The following TLR4 variants were observed in gnomAD, a reference collection of about 807,000 sequenced individuals.
The protein encoded by TLR4 is toll like receptor 4.
In TLR4, 17 loss-of-function variants were observed where a neutral mutation model predicts 27.4. That is an observed-to-expected ratio of 0.62 (90% CI 0.42 to 0.93). The LOEUF (loss-of-function observed/expected upper bound fraction) is 0.93, where lower values mean the gene tolerates loss of function less well. Ranked by LOEUF, TLR4 falls within the 40% of genes least tolerant of loss-of-function variation. The probability of loss-of-function intolerance (pLI) is 0.00; values close to 1 mark genes in which losing one functional copy is unlikely to be tolerated. For missense variants in TLR4, 926 were observed against 962.3 expected (o/e 0.96, Z 0.50); for synonymous variants, 363 against 365.7 (o/e 0.99, Z 0.08).
At position 117,723,721 on chromosome 9, in the gene TLR4, A is replaced by C. The variant is rs1037119458; in HGVS notation, c.*9073A>C. 6.6e-6 allele frequency: 1 copy of C among 152,210 alleles called. No homozygotes were observed. The highest frequency in any genetic ancestry group is 2.4e-5 in the African/African-American group (1 of 41,454). 9.4% of individuals were successfully genotyped at this position (152,210 alleles called of 1,614,324 possible). A position where few individuals can be genotyped will look rare whatever the true frequency, so the allele number is the denominator to read the frequency against. On this transcript the variant is annotated 3_prime_UTR_variant, in exon 3 of 3. Transcript: ENST00000355622. ...TTAAGCTATATGTCATTCTTACAGG[A>C]GTCTCCTCTATTTCAGCAATGTGTA...
intron 1 of TLR4, among the ~76,000 whole-genome samples, chr9:117,707,682 G>C (rs559724721): frequency 6.6e-6 from 1 of 152,236 alleles, no homozygotes; most frequent in Admixed American, 6.5e-5. Flanking sequence ...TAAAGCACTT[G>C]ACCTTATTTA....
intron 1 of TLR4, among the ~76,000 whole-genome samples, chr9:117,706,391 TTCTC>T (rs1829136302): frequency 6.6e-6 from 1 of 152,204 alleles, no homozygotes; most frequent in Non-Finnish European, 1.5e-5. Flanking sequence ...TTTGTTTATT[TTCTC>T]TCTCTCCCTT....
chr9:117,707,165 G>A (rs1170532938), intron 1 of TLR4, among the ~76,000 whole-genome samples: 1 of 152,186 alleles, frequency 6.6e-6, no homozygotes, highest in Non-Finnish European at 1.5e-5. Flanking sequence ...GGGAATAAAA[G>A]AGGGCAAAGA....
In TLR4 at chr9:117,724,352, C is replaced by T. The variant is rs1229276285; in HGVS notation, c.*9704C>T. ...GCCATTCTAAGCTCTCTAAATGTCA[C>T]CACAATCTTCCTTCCTTTGCATTTT... On this transcript the variant is annotated 3_prime_UTR_variant, in exon 3 of 3. Coordinates refer to ENST00000355622, the MANE Select transcript of TLR4 (RefSeq NM_138554.5). 6.6e-6 allele frequency: 1 copy of T among 152,218 alleles called. No homozygotes were observed. Among genetic ancestry groups the T allele is most frequent in the Non-Finnish European group, 1.5e-5 (1 of 68,064 alleles). 9.4% of individuals were successfully genotyped at this position (152,218 alleles called of 1,614,324 possible). A position where few individuals can be genotyped will look rare whatever the true frequency, so the allele number is the denominator to read the frequency against.
At chr9:117,708,416 G>A in intron 1 of TLR4, 147 bp from the exon 2 acceptor site, 1 of 1,531,646 alleles carries the variant, frequency 6.5e-7, no homozygotes, top group Non-Finnish European at 8.8e-7. Context: ...ATGGATATAT[G>A]GATGGAAGGA....
rs1303455733 is a variant in TLR4, at chr9:117,712,773, G to C, written c.645G>C (p.Met215Ile). Reference protein sequence around the residue: ...NLSLDLSLNPMNFIQPGAFKE... With the variant: ...NLSLDLSLNPINFIQPGAFKE... ...CTTTAGACCTGTCCCTGAACCCTAT[G>C]AACTTTATCCAACCAGGTGCATTTA... is the stretch of plus-strand genomic sequence containing the variant. Residue 215 changes from methionine (M) to isoleucine (I), a missense_variant, in exon 3 of 3, where the codon ATG (methionine) becomes ATC (isoleucine). Transcript: ENST00000355622. The C allele has an allele frequency of 6.2e-7, 1 of 1,613,994 alleles. No homozygotes were observed. The highest frequency in any genetic ancestry group is 1.1e-5 in the South Asian group (1 of 91,080).
rs960955565 is a variant in TLR4 at position 117,719,781 on chromosome 9, A to C, written c.*5133A>C. On this transcript the variant is annotated 3_prime_UTR_variant, in exon 3 of 3. Transcript: ENST00000355622. ...CCAGATGGTTGGAATAAGATCACAC[A>C]CTCTGGCTGCCCTTATGGAGATCAC... is the stretch of plus-strand genomic sequence containing the variant. 5 of 152,182 alleles carry C rather than the reference A, an allele frequency of 3.3e-5. No homozygotes were observed. The highest frequency in any genetic ancestry group is 1.2e-4 in the African/African-American group (5 of 41,450). The allele number at this position is 152,182 out of a possible 1,614,324, so 9.4% of individuals were successfully genotyped here.
chr9:117,709,873 C>T (rs886352711), intron 2 of TLR4, among the ~76,000 whole-genome samples: 2 of 151,994 alleles, frequency 1.3e-5, no homozygotes, highest in African/African-American at 4.8e-5. Flanking sequence ...AGTTTACCCC[C>T]AACCTTTATA....
chr9:117,718,547 A>G lies in TLR4; in HGVS notation c.*3899A>G, dbSNP rs184977913. 9.2e-5 allele frequency: 14 copies of G among 152,116 alleles called. No individual in the cohort carries two copies. The highest frequency in any genetic ancestry group is 3.4e-4 in the African/African-American group (14 of 41,486). 9.4% of individuals were successfully genotyped at this position (152,116 alleles called of 1,614,324 possible). On this transcript the variant is annotated 3_prime_UTR_variant, in exon 3 of 3. Coordinates refer to ENST00000355622, the MANE Select transcript of TLR4 (RefSeq NM_138554.5). ...AATGAGCGTTAATACAGTGCTTTCC[A>G]TTTTTCTGGTGTTTTGAGTAGCGTG...
chr9:117,723,600 A>T lies in TLR4; in HGVS notation c.*8952A>T, dbSNP rs1829446260. The T allele has an allele frequency of 6.6e-6, 1 of 152,134 alleles. No homozygotes were observed. Among genetic ancestry groups the T allele is most frequent in the South Asian group, 2.1e-4 (1 of 4,822 alleles). The allele number at this position is 152,134 out of a possible 1,614,324, so 9.4% of individuals were successfully genotyped here. A position where few individuals can be genotyped will look rare whatever the true frequency, so the allele number is the denominator to read the frequency against. On this transcript the variant is annotated 3_prime_UTR_variant, in exon 3 of 3. Transcript: ENST00000355622. ...ATGCAAGGAGTTATTATGATAACAG[A>T]TTGAAAACTCCTCCAAGGAGGAGTT...
Position 117,712,480 on chromosome 9 carries a change from G to T in TLR4, c.352G>T (p.Ala118Ser), listed in dbSNP as rs199508096. ...ILTGNPIQSL[A>S]LGAFSGLSSL... ...GACAGGAAACCCCATCCAGAGTTTA[G>T]CCCTGGGAGCCTTTTCTGGACTATC... is the stretch of plus-strand genomic sequence containing the variant. The change falls in exon 3 of 3, where the codon GCC becomes TCC. Residue 118 changes from alanine (A) to serine (S), a missense_variant. Physicochemically the swap from Ala to Ser is moderately conservative, Grantham distance 99. Coordinates refer to ENST00000355622, the MANE Select transcript of TLR4 (RefSeq NM_138554.5). 1 of 1,613,748 alleles carries T rather than the reference G, an allele frequency of 6.2e-7. No individual in the cohort carries two copies. Among genetic ancestry groups the T allele is most frequent in the Non-Finnish European group, 8.5e-7 (1 of 1,179,908 alleles).
chr9:117,706,041 A>AAT lies in TLR4; in HGVS notation c.93+1483_93+1484dup, dbSNP rs146948012. Among the ~76,000 whole-genome samples the AAT allele has an allele frequency of 6.2e-3, 950 of 152,186 alleles. 14 individuals are homozygous for AAT. The highest frequency in any genetic ancestry group is 0.022 in the African/African-American group (910 of 41,510). On this transcript the variant is annotated intron_variant, in intron 1 of 2. Coordinates refer to ENST00000355622, the MANE Select transcript of TLR4 (RefSeq NM_138554.5). ...TATTTAAAATAATGTTTAAAATTTT[A>AAT]ATATATATTTACCTATTATTGATAT...
At position 117,714,755 on chromosome 9, in the gene TLR4, G is replaced by T. The variant is rs200716692; in HGVS notation, c.*107G>T. On this transcript the variant is annotated 3_prime_UTR_variant, in exon 3 of 3. Transcript: ENST00000355622. The stretch of plus-strand genomic sequence containing the variant: ...CCACATGTCAGGCCTTATGCTAAGG[G>T]TGAGTAATTCCATGGTGCACTAGAT... 4 of 968,616 alleles carry T rather than the reference G, an allele frequency of 4.1e-6. No homozygotes were observed. Among genetic ancestry groups the T allele is most frequent in the Non-Finnish European group, 6.4e-6 (4 of 624,460 alleles). The allele number at this position is 968,616 out of a possible 1,614,324, so 60.0% of individuals were successfully genotyped here. A position where few individuals can be genotyped will look rare whatever the true frequency, so the allele number is the denominator to read the frequency against.
chr9:117,707,454 C>A (rs1588092168), intron 1 of TLR4, among the ~76,000 whole-genome samples: 1 of 152,148 alleles, frequency 6.6e-6, no homozygotes, highest in African/African-American at 2.4e-5. Context: ...TATACTGTAG[C>A]GGGCTTTTAA....
rs1272527097 is a variant in TLR4 at position 117,715,251 on chromosome 9, C to G, written c.*603C>G. On this transcript the variant is annotated 3_prime_UTR_variant, in exon 3 of 3. Coordinates refer to ENST00000355622, the MANE Select transcript of TLR4 (RefSeq NM_138554.5). ...TTCTCGAGCATGTTCTATTTTTTAA[C>G]TAATCACCCCTGATATATTTTTATT... 2 of 153,504 alleles carry G rather than the reference C, an allele frequency of 1.3e-5. No homozygotes were observed. Among genetic ancestry groups the G allele is most frequent in the African/African-American group, 4.8e-5 (2 of 41,446 alleles). The allele number at this position is 153,504 out of a possible 1,614,324, so 9.5% of individuals were successfully genotyped here.
Position 117,717,591 on chromosome 9 carries a change from ATTGT to A in TLR4, c.*2946_*2949del, listed in dbSNP as rs1263055158. 2 of 152,128 alleles carry A rather than the reference ATTGT, an allele frequency of 1.3e-5. No homozygotes were observed. Among genetic ancestry groups the A allele is most frequent in the East Asian group, 3.9e-4 (2 of 5,190 alleles). The allele number at this position is 152,128 out of a possible 1,614,324, so 9.4% of individuals were successfully genotyped here. A position where few individuals can be genotyped will look rare whatever the true frequency, so the allele number is the denominator to read the frequency against. On this transcript the variant is annotated 3_prime_UTR_variant, in exon 3 of 3. Transcript: ENST00000355622. ...AGTGAGGAACTAACATACATACATGATTGTTTATCTACAGATGTATGCCTCAGTT... is the reference window on the plus strand; with the variant it reads ...AGTGAGGAACTAACATACATACATGATTATCTACAGATGTATGCCTCAGTT...
At position 117,720,082 on chromosome 9, in the gene TLR4, T is replaced by A. The variant is rs1482359180; in HGVS notation, c.*5434T>A. Reference sequence around the variant, plus strand: ...TGGTGCATGTCTGGCACCGTTTTAGTTGTATATTATTTCATTTAATTGTTA... The same window carrying A: ...TGGTGCATGTCTGGCACCGTTTTAGATGTATATTATTTCATTTAATTGTTA... On this transcript the variant is annotated 3_prime_UTR_variant, in exon 3 of 3. Coordinates refer to ENST00000355622, the MANE Select transcript of TLR4 (RefSeq NM_138554.5). 6.6e-6 allele frequency: 1 copy of A among 152,154 alleles called. No individual in the cohort carries two copies. The highest frequency in any genetic ancestry group is 2.4e-5 in the African/African-American group (1 of 41,420). 9.4% of individuals were successfully genotyped at this position (152,154 alleles called of 1,614,324 possible).
intron 1 of TLR4, among the ~76,000 whole-genome samples, chr9:117,707,128 T>C (rs1327623557): frequency 6.6e-6 from 1 of 152,078 alleles, no homozygotes; most frequent in Non-Finnish European, 1.5e-5. Flanking sequence ...GACAACATAA[T>C]GTTAGATGGT....
rs1829184074 is a variant in TLR4 at position 117,708,928 on chromosome 9, G to C, written c.260+199G>C. The C allele has an allele frequency of 4.8e-6, 3 of 629,382 alleles. No homozygotes were observed. The Admixed American group carries it at 9.6e-5, about 20-fold the overall frequency. The allele number at this position is 629,382 out of a possible 1,614,324, so 39.0% of individuals were successfully genotyped here. ...TCTCAGTTTTCTAATCTGTGAAGTA[G>C]GCAGTTGGCTGAGACAGCTTCTAAG... On this transcript the variant is annotated intron_variant, in intron 2 of 2. Coordinates refer to ENST00000355622, the MANE Select transcript of TLR4 (RefSeq NM_138554.5).
Sources: gnomAD v4.1 joint callset for allele counts (sites outside exome capture counted in the v4.1 genomes callset) on GRCh38, gnomAD v4.1.1 for gene constraint, MANE v1.5 for transcripts, NCBI Gene and HGNC (gene_info 2026-07-23, HGNC 2026-07-21) for gene names.